USO1: variants seen among roughly 807,000 people sequenced by gnomAD.
The protein encoded by USO1 is general vesicular transport factor p115.
Under a neutral mutation model 124.5 loss-of-function variants are expected in USO1, and 57 were observed. The ratio of observed to expected loss-of-function variants is 0.46; its 90% CI spans 0.37 to 0.57. The LOEUF is 0.57. Ranked by LOEUF, USO1 falls within the 20% of genes least tolerant of loss-of-function variation. The pLI is 0.00. For missense variants in USO1, 900 were observed against 1,040.6 expected, an observed-to-expected ratio of 0.86 and a Z score of 1.86; for synonymous variants, 369 against 362.8, an observed-to-expected ratio of 1.02 and a Z score of -0.19.
chr4:75,746,537 CAG>C (rs1268106019), intron 1 of USO1, among the ~76,000 whole-genome samples: 1 of 152,158 alleles, frequency 6.6e-6, no homozygotes, highest in East Asian at 1.9e-4. Context: ...TAAATATCAA[CAG>C]AAAAATATAG....
chr4:75,731,648 ATTAT>A (rs1281914324), intron 1 of USO1, among the ~76,000 whole-genome samples: 4 of 152,212 alleles, frequency 2.6e-5, no homozygotes, highest in African/African-American at 9.6e-5. Context: ...ATTAGCATGA[ATTAT>A]TTGTCTTACA....
chr4:75,794,358 G>C (rs1020580958), intron 13 of USO1, among the ~76,000 whole-genome samples: 7 of 152,148 alleles, frequency 4.6e-5, no homozygotes, highest in Non-Finnish European at 8.8e-5. Context: ...ATATCCCCTT[G>C]AAGTTTGTGA....
intron 1 of USO1, among the ~76,000 whole-genome samples, chr4:75,734,475 A>G (rs999541305): frequency 3.9e-5 from 6 of 151,922 alleles, no homozygotes; most frequent in African/African-American, 1.5e-4. Flanking sequence ...TGGGTTCTCT[A>G]TCCTGTTCCA....
Position 75,799,681 on chromosome 4 carries a change from T to G in USO1, c.1512T>G (p.Asn504Lys), listed in dbSNP as rs1212524591. 2 of 1,613,726 alleles carry G rather than the reference T, an allele frequency of 1.2e-6. No homozygotes were observed. Residue 504 changes from asparagine (N) to lysine (K), a missense_variant, in exon 14 of 24, where the codon AAT (asparagine) becomes AAG (lysine). Transcript: ENST00000514213. ...LLMLLCTWLS[N>K]CPIAVTHFLH... is the part of the protein sequence containing the mutation. ...TGTTGCTTTGTACCTGGCTAAGCAA[T>G]TGTCCCATTGCAGTAACGCATTTTC...
At chr4:75,762,727 G>A (rs1721653444) in intron 4 of USO1, among the ~76,000 whole-genome samples, 1 of 152,040 alleles carries the variant, frequency 6.6e-6, no homozygotes, top group Admixed American at 6.5e-5. Flanking sequence ...AGGAGATCAA[G>A]ACCATCCTGG....
At position 75,724,706 on chromosome 4, in the gene USO1, C is replaced by A; in HGVS notation, c.-114C>A. ...GCCGCCGAGTTGGAGGCGGTGGTGG[C>A]AGCAGTAGGAGTGTGTAGAGTGCGG... On this transcript the variant is annotated 5_prime_UTR_variant, in exon 1 of 24. Transcript: ENST00000514213. 1.9e-6 allele frequency: 2 copies of A among 1,039,254 alleles called. No individual in the cohort carries two copies. The highest frequency in any genetic ancestry group is 2.8e-6 in the Non-Finnish European group (2 of 718,628). The allele number at this position is 1,039,254 out of a possible 1,614,324, so 64.4% of individuals were successfully genotyped here. A position where few individuals can be genotyped will look rare whatever the true frequency, so the allele number is the denominator to read the frequency against.
chr4:75,742,638 G>T (rs1720996846), intron 1 of USO1, among the ~76,000 whole-genome samples: 1 of 152,192 alleles, frequency 6.6e-6, no homozygotes, highest in African/African-American at 2.4e-5. Context: ...GCTGAGATAA[G>T]AAATACTTTG....
At chr4:75,747,103 A>G (rs891603296) in intron 1 of USO1, among the ~76,000 whole-genome samples, 32 of 152,216 alleles carry the variant, frequency 2.1e-4, no homozygotes, top group Admixed American at 3.3e-4. Context: ...TTAGGTTTAT[A>G]TGCTAAGAAA....
At chr4:75,766,126 CT>C (rs1429407151) in intron 4 of USO1, among the ~76,000 whole-genome samples, 41 of 152,146 alleles carry the variant, frequency 2.7e-4, no homozygotes, top group Admixed American at 2.6e-3. Context: ...GAGTCAGTTA[CT>C]TTTTTTGATA....
intron 4 of USO1, among the ~76,000 whole-genome samples, chr4:75,762,589 A>G (rs1721648957): frequency 6.6e-6 from 1 of 151,648 alleles, no homozygotes; most frequent in South Asian, 2.1e-4. Context: ...AAATCATGTA[A>G]TTCACAAAAC....
chr4:75,783,653 A>G (rs1722283071), intron 9 of USO1, among the ~76,000 whole-genome samples: 1 of 152,104 alleles, frequency 6.6e-6, no homozygotes, highest in Admixed American at 6.6e-5. Context: ...GTCCGCTAGT[A>G]ATTAGAGGCT....
chr4:75,729,957 A>G, intron 1 of USO1: 1 of 405,366 alleles, frequency 2.5e-6, no homozygotes, highest in Non-Finnish European at 4.8e-6. Context: ...AGCACATTTT[A>G]TACCATGTTA....
chr4:75,725,011 C>A (rs752245468), intron 1 of USO1, 126 bp downstream of exon 1: 2 of 924,102 alleles, frequency 2.2e-6, no homozygotes, highest in East Asian at 2.6e-5. Flanking sequence ...GCCGCCTCCC[C>A]CTTTGCCCTC....
At chr4:75,797,206 T>G (rs1577968612) in intron 13 of USO1, among the ~76,000 whole-genome samples, 1 of 152,118 alleles carries the variant, frequency 6.6e-6, no homozygotes, top group Non-Finnish European at 1.5e-5. Context: ...GAATTATACT[T>G]CAATGTTTAT....
intron 22 of USO1, among the ~76,000 whole-genome samples, chr4:75,810,815 C>A (rs181748702): frequency 6.6e-6 from 1 of 152,290 alleles, no homozygotes; most frequent in Admixed American, 6.5e-5. Context: ...ACCACAACCT[C>A]TGCCTCCCAG....
chr4:75,732,898 A>AAAAAAAG (rs1720676387), intron 1 of USO1, among the ~76,000 whole-genome samples: 1 of 148,312 alleles, frequency 6.7e-6, no homozygotes, highest in East Asian at 2.0e-4. Flanking sequence ...AAAAAAAAAA[A>AAAAAAAG]GTCATAGTTG....
rs572047075 is a variant in USO1 at position 75,729,032 on chromosome 4, G to A, written c.66+4147G>A. Among the ~76,000 whole-genome samples the A allele has an allele frequency of 4.8e-3, 730 of 152,206 alleles. 1 individual carries two copies. Among genetic ancestry groups the A allele is most frequent in the Non-Finnish European group, 7.2e-3 (491 of 68,002 alleles). On this transcript the variant is annotated intron_variant, in intron 1 of 23. Transcript: ENST00000514213. ...AGGATGGTCTCGATCTCCTGACTTC[G>A]TGATCCGCCTGCCTTGGCCTCCCAA...
chr4:75,772,025 C>T (rs566525616), intron 7 of USO1, among the ~76,000 whole-genome samples: 1 of 151,978 alleles, frequency 6.6e-6, no homozygotes, highest in Admixed American at 6.6e-5. Flanking sequence ...TGGTATTGGC[C>T]GTGTGACTTT....
chr4:75,748,497 G>A (rs80213850), intron 1 of USO1, among the ~76,000 whole-genome samples: 1 of 152,126 alleles, frequency 6.6e-6, no homozygotes, highest in African/African-American at 2.4e-5. Context: ...CCATCCTCCA[G>A]TATTTCTAAA....
Sources: allele counts gnomAD v4.1 joint callset (sites outside exome capture counted in the v4.1 genomes callset), GRCh38; gene constraint gnomAD v4.1.1; transcripts MANE v1.5; gene names NCBI Gene and HGNC (gene_info 2026-07-23, HGNC 2026-07-21).